The following AUTS2 variants were observed in gnomAD, a reference collection of about 807,000 sequenced individuals.
AUTS2 encodes autism susceptibility gene 2 protein.
AUTS2 carries 17 observed loss-of-function variants against 112.4 expected under a neutral mutation model. That is an observed-to-expected ratio of 0.15 (90% CI 0.10 to 0.23). The LOEUF (loss-of-function observed/expected upper bound fraction) is 0.23. Among genes scored for constraint, AUTS2 ranks in the 10% least tolerant of loss-of-function variants. The pLI, the probability that AUTS2 is intolerant of heterozygous loss-of-function variation, is 1.00. For synonymous variants in AUTS2, 751 were observed against 702.7 expected (o/e 1.07, Z -1.09); for missense variants, 1,510 against 1,701.6 (o/e 0.89, Z 1.98).
At chr7:70,043,407 A>G (rs966736276) in intron 2 of AUTS2, among the ~76,000 whole-genome samples, 3 of 151,844 alleles carry the variant, frequency 2.0e-5, no homozygotes, top group African/African-American at 7.3e-5. Flanking sequence ...CTCCTTTTAC[A>G]ATTATATTTT....
intron 2 of AUTS2, among the ~76,000 whole-genome samples, chr7:69,932,397 T>C (rs1490914287): frequency 1.3e-5 from 2 of 152,072 alleles, no homozygotes; most frequent in Non-Finnish European, 1.5e-5. Flanking sequence ...TCAGGAGCGC[T>C]CTAAGAGGTG....
chr7:70,417,790 A>G lies in AUTS2; in HGVS notation c.661-17962A>G, dbSNP rs140533116. On this transcript the variant is annotated intron_variant, in intron 4 of 18. Coordinates refer to ENST00000342771, the MANE Select transcript of AUTS2 (RefSeq NM_015570.4). ...GCCTTTGAGCCTGGGGCCTCTCATC[A>G]TGACCATCTGCTTTTCTCCTATCCT... 2.0e-5 allele frequency among the ~76,000 whole-genome samples: 3 copies of G among 152,194 alleles called. No individual in the cohort carries two copies. The East Asian group carries it at 5.8e-4, about 29-fold the overall frequency.
At chr7:69,888,650 C>T (rs758995874) in intron 1 of AUTS2, among the ~76,000 whole-genome samples, 22 of 150,568 alleles carry the variant, frequency 1.5e-4, no homozygotes, top group Non-Finnish European at 3.0e-4. Flanking sequence ...GGTGCGATCT[C>T]GGCTCACTGC....
At chr7:70,724,678 C>G (rs974878775) in intron 6 of AUTS2, among the ~76,000 whole-genome samples, 30 of 152,094 alleles carry the variant, frequency 2.0e-4, no homozygotes, top group African/African-American at 6.5e-4. Flanking sequence ...ATCTCCTGAC[C>G]TCGTGGTCCG....
rs1812211978 is a variant in AUTS2 at position 70,234,366 on chromosome 7, TCTCAA to T, written c.660+99799_660+99803del. On this transcript the variant is annotated intron_variant, in intron 4 of 18. Coordinates refer to ENST00000342771, the MANE Select transcript of AUTS2 (RefSeq NM_015570.4). Reference sequence around the variant, plus strand: ...TCTCTTCACTTCCTTATGAAAAGTTTCTCAACTCTTCTCTCAGTATTTTCTTTTCC... The same window carrying T: ...TCTCTTCACTTCCTTATGAAAAGTTTCTCTTCTCTCAGTATTTTCTTTTCC... 2.0e-5 allele frequency among the ~76,000 whole-genome samples: 3 copies of T among 152,214 alleles called. No homozygotes were observed. The South Asian group carries it at 6.2e-4, about 32-fold the overall frequency.
intron 2 of AUTS2, among the ~76,000 whole-genome samples, chr7:70,101,059 G>A (rs1374710779): frequency 1.3e-5 from 2 of 151,942 alleles, no homozygotes; most frequent in East Asian, 1.9e-4. Context: ...TGTATTTTTA[G>A]TAGAGACGGG....
At chr7:69,722,226 G>A (rs1043480145) in intron 1 of AUTS2, among the ~76,000 whole-genome samples, 3 of 151,900 alleles carry the variant, frequency 2.0e-5, no homozygotes, top group Non-Finnish European at 4.4e-5. Context: ...GTGGCTATTA[G>A]AAGACTAGTA....
intron 6 of AUTS2, among the ~76,000 whole-genome samples, chr7:70,699,717 A>C (rs55908506): frequency 0.11 from 16,345 of 152,162 alleles, 1,320 homozygotes; most frequent in East Asian, 0.43. Flanking sequence ...TTCCAGTTTT[A>C]TATTTCATCA....
At chr7:69,781,967 T>C (rs1789161299) in intron 1 of AUTS2, among the ~76,000 whole-genome samples, 1 of 152,024 alleles carries the variant, frequency 6.6e-6, no homozygotes, top group Non-Finnish European at 1.5e-5. Context: ...GGCAAGGAGG[T>C]GTTTCTGAAC....
At chr7:70,570,442 A>C (rs557382992) in intron 5 of AUTS2, among the ~76,000 whole-genome samples, 1 of 152,338 alleles carries the variant, frequency 6.6e-6, no homozygotes, top group South Asian at 2.1e-4. Flanking sequence ...CTTCATATTC[A>C]GTGAAGATCC....
intron 5 of AUTS2, among the ~76,000 whole-genome samples, chr7:70,546,540 A>C (rs999622537): frequency 2.6e-5 from 4 of 152,192 alleles, no homozygotes; most frequent in Non-Finnish European, 5.9e-5. Context: ...GCACTTTGGG[A>C]GGCCAAGATG....
chr7:70,393,404 G>C (rs1793949029), intron 4 of AUTS2, among the ~76,000 whole-genome samples: 1 of 152,068 alleles, frequency 6.6e-6, no homozygotes, highest in African/African-American at 2.4e-5. Context: ...TGCCCTTCCT[G>C]CTCATCTGCC....
In AUTS2 at chr7:70,713,099, C is replaced by G. The variant is rs373339898; in HGVS notation, c.742+14479C>G. Reference sequence around the variant, plus strand: ...TCTGAATAGAGTTTGAAACCATGACCTTGGGCCAATGTTATGCTGTAACCA... The same window carrying G: ...TCTGAATAGAGTTTGAAACCATGACGTTGGGCCAATGTTATGCTGTAACCA... On this transcript the variant is annotated intron_variant, in intron 6 of 18. Transcript: ENST00000342771. Among the ~76,000 whole-genome samples the G allele has an allele frequency of 6.6e-5, 10 of 152,310 alleles. No homozygotes were observed. The East Asian group carries it at 1.9e-3, about 29-fold the overall frequency.
chr7:70,534,384 T>A (rs558222668), intron 5 of AUTS2, among the ~76,000 whole-genome samples: 1 of 149,756 alleles, frequency 6.7e-6, no homozygotes, highest in South Asian at 2.2e-4. Flanking sequence ...CGGGGAGTTA[T>A]TGGGAATATG....
chr7:70,221,731 AT>A (rs1282697743), intron 4 of AUTS2, among the ~76,000 whole-genome samples: 1 of 152,208 alleles, frequency 6.6e-6, no homozygotes, highest in Non-Finnish European at 1.5e-5. Context: ...TACTAAAAAT[AT>A]AAAAATTAGC....
At chr7:69,990,620 C>T (rs1477844756) in intron 2 of AUTS2, among the ~76,000 whole-genome samples, 1 of 152,094 alleles carries the variant, frequency 6.6e-6, no homozygotes, top group Admixed American at 6.5e-5. Flanking sequence ...TATCTACAGC[C>T]TTTACTAAAG....
intron 1 of AUTS2, among the ~76,000 whole-genome samples, chr7:69,848,353 G>A (rs1792306793): frequency 6.6e-6 from 1 of 152,224 alleles, no homozygotes; most frequent in Non-Finnish European, 1.5e-5. Flanking sequence ...GCCGCAGCTT[G>A]CTTAATAGGA....
chr7:69,877,002 A>G (rs956938162), intron 1 of AUTS2, among the ~76,000 whole-genome samples: 2 of 152,200 alleles, frequency 1.3e-5, no homozygotes, highest in Admixed American at 6.5e-5. Context: ...CTAGAGGTCC[A>G]TGGCCCTTCT....
intron 2 of AUTS2, among the ~76,000 whole-genome samples, chr7:69,963,442 G>C (rs1482030118): frequency 6.6e-6 from 1 of 152,068 alleles, no homozygotes; most frequent in East Asian, 1.9e-4. Flanking sequence ...CTTCCTTATA[G>C]GATGTCAGGC....
Sources: gnomAD v4.1 joint callset for allele counts (sites outside exome capture counted in the v4.1 genomes callset) on GRCh38, gnomAD v4.1.1 for gene constraint, MANE v1.5 for transcripts, NCBI Gene and HGNC (gene_info 2026-07-23, HGNC 2026-07-21) for gene names.